SPAG16: variants seen among roughly 807,000 people sequenced by gnomAD.
The protein encoded by SPAG16 is sperm-associated antigen 16 protein.
In SPAG16, 86 loss-of-function variants were observed where a neutral mutation model predicts 80.4. The observed-to-expected ratio is 1.07, with a 90% CI of 0.90 to 1.28. The LOEUF (loss-of-function observed/expected upper bound fraction) is 1.28, where lower values mean the gene tolerates loss of function less well. SPAG16 is among the 50% of genes most tolerant of loss of function. SPAG16 has a pLI of 0.00. For missense variants in SPAG16, 870 were observed against 765.3 expected (o/e 1.14, Z -1.61); for synonymous variants, 294 against 265.9 (o/e 1.11, Z -1.03).
At chr2:213,337,609 G>T (rs113553771) in intron 5 of SPAG16, among the ~76,000 whole-genome samples, 3,627 of 152,178 alleles carry the variant, frequency 0.024, 62 homozygotes, top group African/African-American at 0.039. Flanking sequence ...AGACGAAGCA[G>T]AAGAAAGGGT....
intron 15 of SPAG16, among the ~76,000 whole-genome samples, chr2:214,157,382 A>G (rs2056262279): frequency 6.6e-6 from 1 of 151,992 alleles, no homozygotes; most frequent in Non-Finnish European, 1.5e-5. Context: ...ACTGTACAGT[A>G]AAAAAAACTG....
At chr2:214,073,016 G>T (rs904667241) in intron 13 of SPAG16, among the ~76,000 whole-genome samples, 1 of 152,010 alleles carries the variant, frequency 6.6e-6, no homozygotes, top group African/African-American at 2.4e-5. Context: ...ACAATTAGTG[G>T]TTCATTATTC....
intron 10 of SPAG16, among the ~76,000 whole-genome samples, chr2:213,801,210 G>A (rs1454345810): frequency 2.0e-5 from 3 of 152,176 alleles, no homozygotes; most frequent in Admixed American, 6.5e-5. Context: ...AGTGAGGAAG[G>A]AGCTTTGCGT....
At chr2:213,422,943 GCCCTAGCA>G (rs772991436) in intron 9 of SPAG16, among the ~76,000 whole-genome samples, 6 of 152,174 alleles carry the variant, frequency 3.9e-5, no homozygotes, top group Non-Finnish European at 8.8e-5. Flanking sequence ...TCTCTTCCCT[GCCCTAGCA>G]GGGATTTCCA....
chr2:214,246,659 C>G (rs76617905), intron 15 of SPAG16, among the ~76,000 whole-genome samples: 3 of 152,082 alleles, frequency 2.0e-5, no homozygotes, highest in African/African-American at 7.3e-5. Flanking sequence ...GCAGCTTCAG[C>G]TAATCTCTAA....
chr2:213,426,877 AC>A (rs2069964413), intron 9 of SPAG16, among the ~76,000 whole-genome samples: 5 of 135,354 alleles, frequency 3.7e-5, no homozygotes, highest in Admixed American at 1.5e-4. Context: ...ACACACACAC[AC>A]ACACAGGGCT....
intron 10 of SPAG16, among the ~76,000 whole-genome samples, chr2:213,574,396 A>G (rs910519142): frequency 2.6e-4 from 39 of 152,058 alleles, no homozygotes; most frequent in African/African-American, 1.4e-4. Context: ...GACAAGGAGC[A>G]CTCTACATCA....
intron 13 of SPAG16, among the ~76,000 whole-genome samples, chr2:214,089,972 G>C (rs1050387420): frequency 6.6e-6 from 1 of 151,932 alleles, no homozygotes; most frequent in Non-Finnish European, 1.5e-5. Context: ...ACTAGACTCT[G>C]TACACATATG....
At chr2:213,984,539 T>C (rs1281140915) in intron 12 of SPAG16, among the ~76,000 whole-genome samples, 4 of 152,042 alleles carry the variant, frequency 2.6e-5, no homozygotes, top group South Asian at 4.1e-4. Context: ...CAATGTTGTG[T>C]CTCCAAAACC....
At chr2:213,804,332 A>G (rs897709204) in intron 10 of SPAG16, among the ~76,000 whole-genome samples, 2 of 152,184 alleles carry the variant, frequency 1.3e-5, no homozygotes, top group African/African-American at 4.8e-5. Context: ...TTAGGAAATA[A>G]TTCTTTATCT....
At chr2:213,306,650 T>A (rs113895813) in intron 3 of SPAG16, among the ~76,000 whole-genome samples, 23 of 152,132 alleles carry the variant, frequency 1.5e-4, no homozygotes, top group African/African-American at 5.5e-4. Flanking sequence ...GCAAGTCCCC[T>A]CTTGCTAGGG....
At chr2:213,375,971 T>G (rs927917746) in intron 9 of SPAG16, among the ~76,000 whole-genome samples, 11 of 149,954 alleles carry the variant, frequency 7.3e-5, no homozygotes, top group Non-Finnish European at 1.0e-4. Flanking sequence ...ATATAAAATA[T>G]AAAATTTATA....
At chr2:214,095,847 T>G (rs538513141) in intron 13 of SPAG16, among the ~76,000 whole-genome samples, 1 of 152,142 alleles carries the variant, frequency 6.6e-6, no homozygotes, top group African/African-American at 2.4e-5. Flanking sequence ...TCTCTTGTGC[T>G]TTTTAACCAC....
intron 15 of SPAG16, among the ~76,000 whole-genome samples, chr2:214,332,225 C>T (rs1193559886): frequency 6.6e-6 from 1 of 152,216 alleles, no homozygotes; most frequent in East Asian, 1.9e-4. Flanking sequence ...GCACTCCAGC[C>T]TGGTCAACAG....
At chr2:214,355,081 T>A (rs1698684601) in intron 15 of SPAG16, among the ~76,000 whole-genome samples, 1 of 151,962 alleles carries the variant, frequency 6.6e-6, no homozygotes, top group Non-Finnish European at 1.5e-5. Context: ...GAAGAAAACC[T>A]ACGCATTACC....
intron 15 of SPAG16, among the ~76,000 whole-genome samples, chr2:214,262,793 T>C (rs150567728): frequency 1.7e-4 from 26 of 152,224 alleles, no homozygotes; most frequent in Middle Eastern, 3.4e-3. Context: ...AAAGGAATAA[T>C]GACGCATTGC....
chr2:213,684,564 CAATAT>C (rs1331654670), intron 10 of SPAG16, among the ~76,000 whole-genome samples: 11 of 152,060 alleles, frequency 7.2e-5, no homozygotes, highest in African/African-American at 1.2e-4. Context: ...CAACTGACTA[CAATAT>C]AATACAGTGA....
intron 14 of SPAG16, among the ~76,000 whole-genome samples, chr2:214,135,115 G>A (rs2054978730): frequency 6.6e-6 from 1 of 152,114 alleles, no homozygotes. Context: ...CTTGAATTAG[G>A]TGATCAATTT....
intron 15 of SPAG16, among the ~76,000 whole-genome samples, chr2:214,230,350 C>T (rs1434368360): frequency 1.3e-5 from 2 of 151,876 alleles, no homozygotes; most frequent in Non-Finnish European, 2.9e-5. Context: ...TCTAGAAAAA[C>T]CAAAGAATAC....
Sources: gnomAD v4.1 joint callset for allele counts (sites outside exome capture counted in the v4.1 genomes callset) on GRCh38, gnomAD v4.1.1 for gene constraint, MANE v1.5 for transcripts, NCBI Gene and HGNC (gene_info 2026-07-23, HGNC 2026-07-21) for gene names.